Variants in WRN observed in about 807,000 individuals in gnomAD.
The protein encoded by WRN is WRN RecQ like helicase, also known as bifunctional 3'-5' exonuclease/ATP-dependent helicase WRN.
A neutral mutation model predicts 180.7 loss-of-function variants in WRN; 149 were observed. The ratio of observed to expected loss-of-function variants is 0.82; its 90% CI spans 0.72 to 0.94. The LOEUF (loss-of-function observed/expected upper bound fraction) is 0.94, where lower values mean the gene tolerates loss of function less well. Ranked by LOEUF, WRN falls within the 40% of genes least tolerant of loss-of-function variation. WRN has a pLI of 0.00. For missense variants in WRN, 1,661 were observed against 1,700.1 expected (o/e 0.98, Z 0.40); for synonymous variants, 548 against 568.9 (o/e 0.96, Z 0.52).
intron 7 of WRN, among the ~76,000 whole-genome samples, chr8:31,073,278 G>A (rs1812976475): frequency 6.6e-6 from 1 of 152,224 alleles, no homozygotes; most frequent in Non-Finnish European, 1.5e-5. Context: ...AGCAATAGAG[G>A]TGATGAGAAG....
At chr8:31,042,527 T>A (rs1435810839) in intron 1 of WRN, among the ~76,000 whole-genome samples, 1 of 152,230 alleles carries the variant, frequency 6.6e-6, no homozygotes, top group Non-Finnish European at 1.5e-5. Context: ...TATTCTTTGA[T>A]GAGACTCTTC....
chr8:31,122,586 C>T (rs1801763465), intron 21 of WRN, among the ~76,000 whole-genome samples: 1 of 151,926 alleles, frequency 6.6e-6, no homozygotes, highest in South Asian at 2.1e-4. Context: ...GCAGAGTAAT[C>T]TCGGTCCGGT....
At position 31,175,024 on chromosome 8, in the gene WRN, TG is replaced by T. The variant is rs1182935499; in HGVS notation, c.*1924del. Among the ~76,000 whole-genome samples, 3 of 151,796 alleles carry T rather than the reference TG, an allele frequency of 2.0e-5. No individual in the cohort carries two copies. The highest frequency in any genetic ancestry group is 4.4e-5 in the Non-Finnish European group (3 of 67,952). On this transcript the variant is annotated 3_prime_UTR_variant, in exon 35 of 35. Transcript: ENST00000298139. ...TTACATAAAGCCTTTTCTAATGAGATGGATAGTAATTAACAAATGTGAGTTT... is the reference window on the plus strand; with the variant it reads ...TTACATAAAGCCTTTTCTAATGAGATGATAGTAATTAACAAATGTGAGTTT...
intron 31 of WRN, among the ~76,000 whole-genome samples, chr8:31,153,781 A>C (rs1803241097): frequency 6.6e-6 from 1 of 152,228 alleles, no homozygotes. Flanking sequence ...CTAATAACAG[A>C]ATATGGAAAC....
chr8:31,156,541 C>T (rs1312705489), intron 32 of WRN, among the ~76,000 whole-genome samples: 3 of 152,180 alleles, frequency 2.0e-5, no homozygotes, highest in Non-Finnish European at 4.4e-5. Flanking sequence ...TAATTTAAAA[C>T]CTACCTTTGA....
intron 9 of WRN, 134 bp downstream of exon 9, chr8:31,081,430 T>C (rs1014402022): frequency 2.2e-6 from 2 of 924,660 alleles, no homozygotes; most frequent in East Asian, 2.6e-5. Flanking sequence ...TCAGTTCTGT[T>C]ATTGTAGTGT....
At chr8:31,082,658 G>A (rs562416668) in intron 9 of WRN, among the ~76,000 whole-genome samples, 12 of 151,680 alleles carry the variant, frequency 7.9e-5, no homozygotes, top group African/African-American at 2.2e-4. Context: ...GTGCCGTGGC[G>A]CAGTCTTGGC....
At chr8:31,118,567 C>A (rs1476742242) in intron 20 of WRN, among the ~76,000 whole-genome samples, 1 of 151,746 alleles carries the variant, frequency 6.6e-6, no homozygotes, top group African/African-American at 2.4e-5. Context: ...GTATAGAATT[C>A]TAGATATTCA....
chr8:31,077,898 T>C (rs1409762542), intron 8 of WRN, among the ~76,000 whole-genome samples: 1 of 152,206 alleles, frequency 6.6e-6, no homozygotes, highest in East Asian at 1.9e-4. Flanking sequence ...TGTGACATTG[T>C]TTTTCCAGAA....
At chr8:31,143,059 TC>T (rs770566766) in intron 27 of WRN, among the ~76,000 whole-genome samples, 9,539 of 64,924 alleles carry the variant, frequency 0.15, 354 homozygotes, top group Admixed American at 0.17. Flanking sequence ...ACACACATTC[TC>T]TCTCTCTCTC....
chr8:31,103,185 C>T (rs1800947827), intron 18 of WRN, among the ~76,000 whole-genome samples: 1 of 152,098 alleles, frequency 6.6e-6, no homozygotes, highest in Non-Finnish European at 1.5e-5. Flanking sequence ...AATGCCTTCT[C>T]CTAGATACCT....
rs140716464 is a variant in WRN, at chr8:31,140,118, C to T, written c.2968-1312C>T. On this transcript the variant is annotated intron_variant, in intron 24 of 34. Transcript: ENST00000298139. ...GCAGTCTTGATCTCCTGAGCTCAAA[C>T]GATTCTCCTGCCTCAGCTCCTGCTT... Among the ~76,000 whole-genome samples, 592 of 137,336 alleles carry T rather than the reference C, an allele frequency of 4.3e-3. 3 individuals are homozygous for T. The highest frequency in any genetic ancestry group is 6.6e-3 in the Non-Finnish European group (436 of 65,676). The allele number at this position is 137,336 out of a possible 152,430, so 90.1% of individuals were successfully genotyped here.
At chr8:31,066,875 G>A (rs1049300743) in intron 5 of WRN, among the ~76,000 whole-genome samples, 158 bp from the exon 6 acceptor site, 5 of 152,186 alleles carry the variant, frequency 3.3e-5, no homozygotes, top group African/African-American at 1.2e-4. Flanking sequence ...GACTGCATAT[G>A]AGGCTTTTAG....
At chr8:31,072,944 G>A (rs1168658708) in intron 7 of WRN, among the ~76,000 whole-genome samples, 1 of 152,118 alleles carries the variant, frequency 6.6e-6, no homozygotes, top group African/African-American at 2.4e-5. Flanking sequence ...TGGAGGAACA[G>A]TACCTATAAC....
intron 18 of WRN, among the ~76,000 whole-genome samples, chr8:31,109,111 G>GC: frequency 6.6e-6 from 1 of 152,228 alleles, no homozygotes; most frequent in South Asian, 2.1e-4. Flanking sequence ...CGGCAGTACC[G>GC]CCCCCAGAAC....
At chr8:31,088,846 G>A (rs780819174) in intron 12 of WRN, 44 bp from the exon 13 acceptor site, 2 of 1,526,316 alleles carry the variant, frequency 1.3e-6, no homozygotes, top group Admixed American at 1.8e-5. Context: ...TCTATGTGGT[G>A]TTTTTCTACT....
At chr8:31,084,393 A>G (rs1307357904) in intron 10 of WRN, among the ~76,000 whole-genome samples, 2 of 152,306 alleles carry the variant, frequency 1.3e-5, no homozygotes, top group Admixed American at 6.5e-5. Context: ...TATTCGTTAA[A>G]TAAGAAGTAA....
intron 30 of WRN, 140 bp from the exon 31 acceptor site, chr8:31,150,201 G>A (rs949953082): frequency 1.3e-5 from 9 of 716,600 alleles, no homozygotes; most frequent in Admixed American, 1.1e-4. Context: ...TGTATTATAC[G>A]TTGTTTTTGG....
rs371029890 is a variant in WRN at position 31,141,817 on chromosome 8, G to A, written c.3233+42G>A. The A allele has an allele frequency of 2.3e-5, 36 of 1,573,718 alleles. No homozygotes were observed. The African/African-American group carries it at 4.7e-4, about 21-fold the overall frequency. ...TTTTCTTGTAACTTCTGCATTTTTT[G>A]TTGCTATTTATGTGATTCAAATTAT... On this transcript the variant is annotated intron_variant, in intron 26 of 34. Coordinates refer to ENST00000298139, the MANE Select transcript of WRN (RefSeq NM_000553.6).
Sources: allele counts gnomAD v4.1 joint callset (sites outside exome capture counted in the v4.1 genomes callset), GRCh38; gene constraint gnomAD v4.1.1; transcripts MANE v1.5; gene names NCBI Gene and HGNC (gene_info 2026-07-23, HGNC 2026-07-21).